The following SEMA5B variants were observed in gnomAD, a reference collection of about 807,000 sequenced individuals.
The protein encoded by SEMA5B is semaphorin-5B.
Under a neutral mutation model 135.0 loss-of-function variants are expected in SEMA5B, and 66 were observed. That is an observed-to-expected ratio of 0.49 (90% confidence interval 0.40 to 0.60). The LOEUF is 0.60. Among genes scored for constraint, SEMA5B ranks in the 20% least tolerant of loss-of-function variants. SEMA5B has a pLI of 0.00. For synonymous variants in SEMA5B, 690 were observed against 639.5 expected, an observed-to-expected ratio of 1.08 and a Z score of -1.19; for missense variants, 1,501 against 1,566.3, an observed-to-expected ratio of 0.96 and a Z score of 0.70.
Position 122,915,871 on chromosome 3 carries a change from C to T in SEMA5B, c.1708G>A (p.Asp570Asn), listed in dbSNP as rs1304502345. 1 of 1,613,910 alleles carries T rather than the reference C, an allele frequency of 6.2e-7. No individual in the cohort carries two copies. The highest frequency in any genetic ancestry group is 2.2e-5 in the East Asian group (1 of 44,860). Residue 570 changes from aspartate to asparagine, a missense_variant, in exon 13 of 23, where the codon GAC becomes AAC. By Grantham distance (23) the Asp-to-Asn change is conservative. Transcript: ENST00000357599. ...TTCCCGTCCCAGCCACAGTACGGGTCCCGGGCCCCCAGGCATGCCCTGCCA... is the reference window on the plus strand; with the variant it reads ...TTCCCGTCCCAGCCACAGTACGGGTTCCGGGCCCCCAGGCATGCCCTGCCA... ...RSQGACLGAR[D>N]PYCGWDGKQQ...
intron 1 of SEMA5B, among the ~76,000 whole-genome samples, chr3:122,979,224 T>C (rs1450014639): frequency 1.3e-5 from 2 of 152,064 alleles, no homozygotes; most frequent in Non-Finnish European, 2.9e-5. Context: ...AAGGTGAACG[T>C]GGACAGTGGA....
At chr3:122,922,481 C>A in intron 10 of SEMA5B, 34 bp from the exon 11 acceptor site, 1 of 1,546,072 alleles carries the variant, frequency 6.5e-7, no homozygotes, top group Non-Finnish European at 8.7e-7. Flanking sequence ...CGCGCCCCGG[C>A]CACCAGGGCT....
intron 12 of SEMA5B, among the ~76,000 whole-genome samples, chr3:122,917,437 C>T (rs142030409): frequency 6.6e-6 from 1 of 152,304 alleles, no homozygotes; most frequent in Non-Finnish European, 1.5e-5. Flanking sequence ...AAACGAAGAG[C>T]TAAGAGTTGC....
chr3:122,942,405 C>T (rs1413181309), intron 4 of SEMA5B, among the ~76,000 whole-genome samples: 1 of 152,190 alleles, frequency 6.6e-6, no homozygotes, highest in East Asian at 1.9e-4. Flanking sequence ...CCGGAAGTGC[C>T]CAACCCAGTG....
At chr3:122,966,648 G>C (rs1192821537) in intron 1 of SEMA5B, among the ~76,000 whole-genome samples, 1 of 150,330 alleles carries the variant, frequency 6.7e-6, no homozygotes, top group African/African-American at 2.4e-5. Context: ...TCCGCCTCCT[G>C]GGTTCACGCC....
chr3:122,958,998 A>C lies in SEMA5B; in HGVS notation c.124+2142T>G, dbSNP rs191234428. On this transcript the variant is annotated intron_variant, in intron 2 of 22. Coordinates refer to ENST00000357599, the MANE Select transcript of SEMA5B (RefSeq NM_001031702.4). ...ATAAAAGGAACAAGGTGATGACCAAAAGTTTAACAAGAAGGGCTCTGACAC... is the reference window on the plus strand; with the variant it reads ...ATAAAAGGAACAAGGTGATGACCAACAGTTTAACAAGAAGGGCTCTGACAC... Among the ~76,000 whole-genome samples the C allele has an allele frequency of 1.9e-3, 290 of 152,306 alleles. 1 individual carries two copies. The highest frequency in any genetic ancestry group is 6.8e-3 in the African/African-American group (282 of 41,570).
At chr3:122,985,868 A>C (rs1941681563) in intron 1 of SEMA5B, among the ~76,000 whole-genome samples, 2 of 152,228 alleles carry the variant, frequency 1.3e-5, no homozygotes, top group African/African-American at 4.8e-5. Flanking sequence ...CCAAATCAAG[A>C]AATAAATTAA....
chr3:122,946,061 G>A (rs148094448), intron 3 of SEMA5B, among the ~76,000 whole-genome samples: 3,994 of 152,290 alleles, frequency 0.026, 97 homozygotes, highest in Admixed American at 0.062. Flanking sequence ...TCCGAGCTCT[G>A]TGTGCGGCAA....
intron 1 of SEMA5B, among the ~76,000 whole-genome samples, chr3:123,007,069 C>A (rs1942333166): frequency 6.6e-6 from 1 of 152,158 alleles, no homozygotes. Context: ...AACACTCCCA[C>A]AATGTTACCC....
intron 1 of SEMA5B, among the ~76,000 whole-genome samples, chr3:123,023,866 T>G (rs1942743929): frequency 6.6e-6 from 1 of 152,200 alleles, no homozygotes; most frequent in Non-Finnish European, 1.5e-5. Flanking sequence ...GCCTGGCACA[T>G]AGTAGGTGAG....
chr3:122,918,583 G>A (rs940774713), intron 12 of SEMA5B, among the ~76,000 whole-genome samples: 4 of 152,206 alleles, frequency 2.6e-5, no homozygotes, highest in Admixed American at 6.5e-5. Context: ...GAAGAAAAAC[G>A]TGGAGTAGAT....
At chr3:122,950,870 A>G (rs568623548) in intron 2 of SEMA5B, among the ~76,000 whole-genome samples, 20 of 152,380 alleles carry the variant, frequency 1.3e-4, no homozygotes, top group African/African-American at 4.8e-4. Flanking sequence ...CAAATAACCT[A>G]GGGTGTATCT....
At position 122,943,394 on chromosome 3, in the gene SEMA5B, A is replaced by T. The variant is rs769021008; in HGVS notation, c.428+42T>A. The stretch of plus-strand genomic sequence containing the variant: ...ATAATATTCCCTCTACCCAGCTCCA[A>T]GCCCCTGCACTTCCCACCCCGACCC... On this transcript the variant is annotated intron_variant, in intron 4 of 22. Transcript: ENST00000357599. The T allele has an allele frequency of 2.2e-6, 3 of 1,390,872 alleles. No individual in the cohort carries two copies. The South Asian group carries it at 3.7e-5, about 17-fold the overall frequency. The allele number at this position is 1,390,872 out of a possible 1,614,324, so 86.2% of individuals were successfully genotyped here.
chr3:123,002,874 C>T (rs745491645), intron 1 of SEMA5B, among the ~76,000 whole-genome samples: 9 of 152,116 alleles, frequency 5.9e-5, no homozygotes, highest in Non-Finnish European at 1.3e-4. Context: ...GTTTTCTTAT[C>T]TGTAAAATGG....
rs554565305 is a variant in SEMA5B, at chr3:122,937,247, T to A, written c.474+2178A>T. Among the ~76,000 whole-genome samples the A allele has an allele frequency of 2.1e-4, 32 of 152,288 alleles. 1 individual carries two copies. The highest frequency in any genetic ancestry group is 7.7e-4 in the African/African-American group (32 of 41,564). On this transcript the variant is annotated intron_variant, in intron 5 of 22. Transcript: ENST00000357599. ...GCAGACACTGAGAACTGAAAGCTTA[T>A]AACCAGGGACCCAAAGCTCCCGGAG...
At chr3:122,970,547 C>T (rs910919637) in intron 1 of SEMA5B, among the ~76,000 whole-genome samples, 16 of 152,234 alleles carry the variant, frequency 1.1e-4, no homozygotes, top group Admixed American at 6.5e-5. Flanking sequence ...CACCTCCTTA[C>T]CTTTTAGTAT....
intron 1 of SEMA5B, among the ~76,000 whole-genome samples, chr3:123,013,719 G>A (rs575839649): frequency 1.3e-5 from 2 of 152,144 alleles, no homozygotes; most frequent in South Asian, 2.1e-4. Context: ...CCAGATTCAC[G>A]CATTCCCATC....
chr3:122,923,680 A>G lies in SEMA5B; in HGVS notation c.1209T>C (p.Phe403=). The G allele has an allele frequency of 1.2e-6, 2 of 1,614,122 alleles. No individual in the cohort carries two copies. Among genetic ancestry groups the G allele is most frequent in the Non-Finnish European group, 1.7e-6 (2 of 1,179,994 alleles). ...CAGCCCTGGGGTTCTCCTGGTAGCGAAATGGGCCATTGAAAGCCTGGGAGA... is the reference window on the plus strand; with the variant it reads ...CAGCCCTGGGGTTCTCCTGGTAGCGGAATGGGCCATTGAAAGCCTGGGAGA... The part of the protein sequence containing the change: ...SAISQAFNGP[F]RYQENPRAAW... Residue 403 remains phenylalanine (F), a synonymous_variant, in exon 10 of 23, where the codon TTT becomes TTC. Transcript: ENST00000357599.
intron 1 of SEMA5B, among the ~76,000 whole-genome samples, chr3:122,990,981 C>T (rs910456448): frequency 8.5e-5 from 13 of 152,210 alleles, no homozygotes; most frequent in South Asian, 2.1e-4. Context: ...TATATGCACA[C>T]GCGTGTGTAT....
Sources: gnomAD v4.1 joint callset for allele counts (sites outside exome capture counted in the v4.1 genomes callset) on GRCh38, gnomAD v4.1.1 for gene constraint, MANE v1.5 for transcripts, NCBI Gene and HGNC (gene_info 2026-07-23, HGNC 2026-07-21) for gene names.